The following MAPK4 variants were observed in gnomAD, a reference collection of about 807,000 sequenced individuals.
The protein encoded by MAPK4 is Erk3-related.
Under a neutral mutation model 47.7 loss-of-function variants are expected in MAPK4, and 22 were observed. The ratio of observed to expected loss-of-function variants is 0.46; its 90% CI spans 0.33 to 0.66. The LOEUF (loss-of-function observed/expected upper bound fraction) is 0.66, where lower values mean the gene tolerates loss of function less well. Among genes scored for constraint, MAPK4 ranks in the 30% least tolerant of loss-of-function variants. The probability of loss-of-function intolerance (pLI) is 0.02; values close to 1 mark genes in which losing one functional copy is unlikely to be tolerated. For missense variants in MAPK4, 736 were observed against 831.7 expected, an observed-to-expected ratio of 0.88 and a Z score of 1.42; for synonymous variants, 390 against 365.7, an observed-to-expected ratio of 1.07 and a Z score of -0.76.
intron 1 of MAPK4, among the ~76,000 whole-genome samples, chr18:50,661,462 A>G (rs1317516730): frequency 6.6e-6 from 1 of 152,192 alleles, no homozygotes. Flanking sequence ...TATTGACCCT[A>G]TGTATGCTGA....
chr18:50,680,078 C>CTTTT (rs138992946), intron 2 of MAPK4, among the ~76,000 whole-genome samples: 11 of 54,356 alleles, frequency 2.0e-4, no homozygotes, highest in African/African-American at 8.1e-4. Context: ...TGCTTTTAAA[C>CTTTT]TTTTTTTTTT....
At chr18:50,710,803 A>C (rs922759095) in intron 2 of MAPK4, among the ~76,000 whole-genome samples, 4 of 150,542 alleles carry the variant, frequency 2.7e-5, no homozygotes, top group African/African-American at 9.7e-5. Flanking sequence ...AAATAAATAA[A>C]TAAATAAATA....
At chr18:50,702,836 C>G (rs932932331) in intron 2 of MAPK4, among the ~76,000 whole-genome samples, 1 of 152,184 alleles carries the variant, frequency 6.6e-6, no homozygotes, top group African/African-American at 2.4e-5. Context: ...CAGAGTACCA[C>G]AAACAGGGCC....
At chr18:50,599,807 C>T (rs573275960) in intron 1 of MAPK4, among the ~76,000 whole-genome samples, 10 of 152,250 alleles carry the variant, frequency 6.6e-5, no homozygotes, top group Admixed American at 3.3e-4. Context: ...GCCTGAGTAA[C>T]TTTCCACAAA....
At chr18:50,610,476 G>A (rs1187886626) in intron 1 of MAPK4, among the ~76,000 whole-genome samples, 5 of 152,212 alleles carry the variant, frequency 3.3e-5, no homozygotes, top group Admixed American at 2.6e-4. Flanking sequence ...CAACGCCAGG[G>A]TGAAGAGCCA....
chr18:50,730,069 A>T lies in MAPK4; in HGVS notation c.*215A>T, dbSNP rs1911476490. 8.8e-6 allele frequency: 4 copies of T among 454,718 alleles called. No homozygotes were observed. Among genetic ancestry groups the T allele is most frequent in the Non-Finnish European group, 1.5e-5 (4 of 261,152 alleles). 28.2% of individuals were successfully genotyped at this position (454,718 alleles called of 1,614,324 possible). On this transcript the variant is annotated 3_prime_UTR_variant, in exon 6 of 6. Coordinates refer to ENST00000400384, the MANE Select transcript of MAPK4 (RefSeq NM_002747.4). ...GCGGGTTTGAACAGGACCCTGGCTT[A>T]GGGGTTGATCACTTTCCTAGCAAAG...
At chr18:50,680,377 C>A (rs908837237) in intron 2 of MAPK4, among the ~76,000 whole-genome samples, 4 of 152,060 alleles carry the variant, frequency 2.6e-5, no homozygotes, top group Non-Finnish European at 4.4e-5. Flanking sequence ...CAGGTGTGAG[C>A]CACCGCGCCT....
chr18:50,677,922 G>A (rs2144304494), intron 2 of MAPK4, among the ~76,000 whole-genome samples: 1 of 152,262 alleles, frequency 6.6e-6, no homozygotes, highest in African/African-American at 2.4e-5. Flanking sequence ...CTGGGAAGAG[G>A]AGACTTCTGG....
At chr18:50,617,052 C>A (rs1338923106) in intron 1 of MAPK4, among the ~76,000 whole-genome samples, 1 of 152,216 alleles carries the variant, frequency 6.6e-6, no homozygotes, top group Non-Finnish European at 1.5e-5. Flanking sequence ...TCAACTTTAT[C>A]TCTAAGGCTC....
At chr18:50,676,733 A>G (rs145731328) in intron 2 of MAPK4, among the ~76,000 whole-genome samples, 265 of 152,324 alleles carry the variant, frequency 1.7e-3, no homozygotes, top group Middle Eastern at 3.4e-3. Context: ...TCATTCATCC[A>G]CTAAATAGAA....
chr18:50,590,927 A>G (rs553081165), intron 1 of MAPK4, among the ~76,000 whole-genome samples: 2 of 152,340 alleles, frequency 1.3e-5, no homozygotes, highest in South Asian at 2.1e-4. Flanking sequence ...CAAGTCAATA[A>G]TATCTGCTGG....
intron 1 of MAPK4, among the ~76,000 whole-genome samples, chr18:50,628,767 A>C (rs1158495651): frequency 1.7e-5 from 2 of 120,126 alleles, no homozygotes; most frequent in Non-Finnish European, 3.8e-5. Context: ...TGCATCACTC[A>C]ATGGTGCCAG....
chr18:50,587,238 A>G (rs964993291), intron 1 of MAPK4, among the ~76,000 whole-genome samples: 1 of 152,172 alleles, frequency 6.6e-6, no homozygotes, highest in South Asian at 2.1e-4. Context: ...TAGGTCTTGA[A>G]TGGGATTCGT....
chr18:50,597,461 C>T (rs1049194486), intron 1 of MAPK4, among the ~76,000 whole-genome samples: 3 of 152,184 alleles, frequency 2.0e-5, no homozygotes, highest in African/African-American at 7.2e-5. Flanking sequence ...TAGATCAAAA[C>T]ATAGGTTTCT....
intron 1 of MAPK4, among the ~76,000 whole-genome samples, chr18:50,620,574 T>C (rs2042722879): frequency 6.6e-6 from 1 of 152,142 alleles, no homozygotes; most frequent in Non-Finnish European, 1.5e-5. Context: ...GACAGTTAAA[T>C]ATGAAAACCA....
At chr18:50,577,161 T>A (rs150003178) in intron 1 of MAPK4, among the ~76,000 whole-genome samples, 492 of 152,300 alleles carry the variant, frequency 3.2e-3, no homozygotes, top group African/African-American at 0.01. Context: ...TTTAAAAAGA[T>A]GATTCTCAAG....
chr18:50,592,825 G>A (rs999965050), intron 1 of MAPK4, among the ~76,000 whole-genome samples: 2 of 152,172 alleles, frequency 1.3e-5, no homozygotes, highest in Admixed American at 6.5e-5. Context: ...TCTAATGCAG[G>A]TAGGTACCCA....
rs1907480673 is a variant in MAPK4, at chr18:50,664,402, G to T, written c.444G>T (p.Arg148Ser). Residue 148 changes from arginine (R) to serine (S), a missense_variant, in exon 2 of 6, where the codon AGG becomes AGT. Arg to Ser is a moderately radical substitution (Grantham distance 110, BLOSUM62 -1). This residue lies in a region of MAPK4 where 327 missense variants were observed against 395.4 expected (regional missense o/e 0.83). Coordinates refer to ENST00000400384, the MANE Select transcript of MAPK4 (RefSeq NM_002747.4). The surrounding 1 kb of genome is among the most constrained non-coding windows in gnomAD (Gnocchi z 6.0). ...KYIHSANVLH[R>S]DLKPANIFIS... ...TCCACTCCGCCAACGTGCTGCACAG[G>T]GACCTGAAGCCCGCCAACATCTTCA... The T allele has an allele frequency of 1.2e-6, 2 of 1,614,114 alleles. No individual in the cohort carries two copies. The highest frequency in any genetic ancestry group is 1.3e-5 in the African/African-American group (1 of 75,050).
intron 2 of MAPK4, among the ~76,000 whole-genome samples, chr18:50,676,644 C>T (rs1057373158): frequency 2.0e-5 from 3 of 152,160 alleles, no homozygotes; most frequent in African/African-American, 4.8e-5. Context: ...GAAACATCAC[C>T]ACTTTAGAGA....
Sources: allele counts gnomAD v4.1 joint callset (sites outside exome capture counted in the v4.1 genomes callset), GRCh38; gene constraint gnomAD v4.1.1; regional missense constraint gnomAD v4.1.1; non-coding constraint Gnocchi (gnomAD v3.1); transcripts MANE v1.5; gene names NCBI Gene and HGNC (gene_info 2026-07-23, HGNC 2026-07-21).